The following PLCXD2 variants were observed in gnomAD, a reference collection of about 807,000 sequenced individuals.
PLCXD2 encodes the protein phosphatidylinositol specific phospholipase C X domain containing 2.
PLCXD2 carries 21 observed loss-of-function variants against 28.6 expected under a neutral mutation model. The ratio of observed to expected loss-of-function variants is 0.73; its 90% confidence interval spans 0.52 to 1.06. The LOEUF is 1.06. PLCXD2 is among the 50% of genes least tolerant of loss of function. The pLI, the probability that PLCXD2 is intolerant of heterozygous loss-of-function variation, is 0.00. For synonymous variants in PLCXD2, 140 were observed against 150.1 expected, an observed-to-expected ratio of 0.93 and a Z score of 0.49; for missense variants, 369 against 376.7, an observed-to-expected ratio of 0.98 and a Z score of 0.17.
chr3:111,718,568 C>G (rs1941306273), intron 3 of PLCXD2, among the ~76,000 whole-genome samples: 1 of 151,912 alleles, frequency 6.6e-6, no homozygotes, highest in Non-Finnish European at 1.5e-5. Flanking sequence ...TAGCCCGTGG[C>G]TGATTGTAGA....
At chr3:111,679,185 C>T (rs1385249811) in intron 1 of PLCXD2, among the ~76,000 whole-genome samples, 1 of 152,120 alleles carries the variant, frequency 6.6e-6, no homozygotes, top group Non-Finnish European at 1.5e-5. Flanking sequence ...GAATTAGGAA[C>T]TACCTTGTTG....
chr3:111,724,532 C>T (rs1295076624), intron 3 of PLCXD2: 4 of 152,124 alleles, frequency 2.6e-5, no homozygotes, highest in Admixed American at 2.6e-4. Context: ...TTCCATCTCT[C>T]GTTTTGAGAA....
At chr3:111,687,290 A>G (rs762828464) in intron 1 of PLCXD2, among the ~76,000 whole-genome samples, 11 of 152,184 alleles carry the variant, frequency 7.2e-5, no homozygotes, top group Non-Finnish European at 1.6e-4. Flanking sequence ...ATCACAGAGG[A>G]AAGAACAGGT....
chr3:111,678,590 G>A (rs528802828), intron 1 of PLCXD2, among the ~76,000 whole-genome samples: 20 of 152,078 alleles, frequency 1.3e-4, no homozygotes, highest in Non-Finnish European at 2.1e-4. Flanking sequence ...TACATTTTGG[G>A]AAGGTTCTAT....
intron 1 of PLCXD2, among the ~76,000 whole-genome samples, chr3:111,686,868 A>G (rs187147669): frequency 6.6e-6 from 1 of 152,154 alleles, no homozygotes; most frequent in Non-Finnish European, 1.5e-5. Flanking sequence ...TTTGTCCTCT[A>G]TGTTTTCTGA....
At chr3:111,699,831 A>G (rs1026993813) in intron 1 of PLCXD2, among the ~76,000 whole-genome samples, 1 of 152,134 alleles carries the variant, frequency 6.6e-6, no homozygotes, top group Admixed American at 6.5e-5. Context: ...TTCTTCACAA[A>G]CAAGCTGTGG....
chr3:111,681,874 G>A (rs1366834942), intron 1 of PLCXD2, among the ~76,000 whole-genome samples: 1 of 152,182 alleles, frequency 6.6e-6, no homozygotes, highest in African/African-American at 2.4e-5. Context: ...TAGGAACTTA[G>A]GAGCACAGGC....
At chr3:111,702,764 G>A (rs1350585558) in intron 1 of PLCXD2, among the ~76,000 whole-genome samples, 3 of 152,162 alleles carry the variant, frequency 2.0e-5, no homozygotes, top group East Asian at 3.8e-4. Flanking sequence ...AGAAATGCTC[G>A]AATTTTATTC....
chr3:111,726,765 C>G (rs1941421305), intron 3 of PLCXD2: 1 of 152,098 alleles, frequency 6.6e-6, no homozygotes, highest in African/African-American at 2.4e-5. Context: ...CAACTTACAA[C>G]ATTGTAAAGC....
At chr3:111,702,750 C>T (rs1447955337) in intron 1 of PLCXD2, among the ~76,000 whole-genome samples, 4 of 152,034 alleles carry the variant, frequency 2.6e-5, no homozygotes, top group Non-Finnish European at 5.9e-5. Flanking sequence ...TCCTCCTCTT[C>T]TGAAGAAATG....
chr3:111,683,267 A>G (rs1267709804), intron 1 of PLCXD2, among the ~76,000 whole-genome samples: 2 of 152,190 alleles, frequency 1.3e-5, no homozygotes, highest in Admixed American at 6.5e-5. Flanking sequence ...GAGGAGTCAG[A>G]CAGCATGGTG....
At chr3:111,725,787 A>G (rs901760481) in intron 3 of PLCXD2, 9 of 398,436 alleles carry the variant, frequency 2.3e-5, no homozygotes, top group Non-Finnish European at 2.2e-5. Context: ...CAGGCTCACC[A>G]TTTGCCGAGG....
chr3:111,708,742 GT>G (rs1941157881), intron 2 of PLCXD2, among the ~76,000 whole-genome samples: 1 of 152,206 alleles, frequency 6.6e-6, no homozygotes, highest in Non-Finnish European at 1.5e-5. Context: ...GGGATAGTCT[GT>G]TCCATCTTGC....
At chr3:111,691,122 T>C (rs1489523888) in intron 1 of PLCXD2, among the ~76,000 whole-genome samples, 3 of 152,196 alleles carry the variant, frequency 2.0e-5, no homozygotes, top group Non-Finnish European at 2.9e-5. Context: ...AAGCAATAAA[T>C]ACCACTTTAG....
rs774448388 is a variant in PLCXD2, at chr3:111,708,385, A to G, written c.623A>G (p.Gln208Arg). The change falls in exon 2 of 5, where the codon CAG (glutamine) becomes CGG (arginine). Residue 208 changes from glutamine (Q) to arginine (R), a missense_variant and splice_region_variant. Transcript: ENST00000477665. ...CGAACTCTGTGGGAGAAGAACTGCC[A>G]GGTAGGAGGGAAGGAGAGATAAGCT... The G allele has an allele frequency of 7.4e-6, 12 of 1,611,882 alleles. No homozygotes were observed. Among genetic ancestry groups the G allele is most frequent in the Non-Finnish European group, 1.0e-5 (12 of 1,178,990 alleles).
intron 1 of PLCXD2, among the ~76,000 whole-genome samples, chr3:111,696,026 G>C (rs1359435547): frequency 6.6e-6 from 1 of 152,154 alleles, no homozygotes; most frequent in African/African-American, 2.4e-5. Flanking sequence ...TGACATCTCT[G>C]AAACCCTCAA....
chr3:111,716,060 C>T (rs189288262), intron 3 of PLCXD2, among the ~76,000 whole-genome samples: 1 of 152,362 alleles, frequency 6.6e-6, no homozygotes, highest in African/African-American at 2.4e-5. Context: ...AGAGCCCTTG[C>T]ACTACTGCTA....
intron 1 of PLCXD2, among the ~76,000 whole-genome samples, chr3:111,689,582 A>G (rs185104136): frequency 1.2e-3 from 186 of 152,250 alleles, no homozygotes; most frequent in Non-Finnish European, 2.2e-3. Context: ...CATTTCCATT[A>G]TAGGACATGA....
At chr3:111,722,120 G>A (rs928937600) in intron 3 of PLCXD2, 18 of 151,872 alleles carry the variant, frequency 1.2e-4, no homozygotes, top group African/African-American at 3.6e-4. Flanking sequence ...TTTGAAACTC[G>A]AGAGGGAATT....
Sources: gnomAD v4.1 joint callset for allele counts (sites outside exome capture counted in the v4.1 genomes callset) on GRCh38, gnomAD v4.1.1 for gene constraint, MANE v1.5 for transcripts, NCBI Gene and HGNC (gene_info 2026-07-23, HGNC 2026-07-21) for gene names.